Variants in CERS4 observed in about 807,000 individuals in gnomAD.
The protein encoded by CERS4 is ceramide synthase 4.
A neutral mutation model predicts 51.8 loss-of-function variants in CERS4; 65 were observed. The observed-to-expected ratio is 1.26, with a 90% CI of 1.03 to 1.54. CERS4 has a LOEUF of 1.54. CERS4 is among the 40% of genes most tolerant of loss of function. The pLI is 0.00. For synonymous variants in CERS4, 228 were observed against 208.4 expected (o/e 1.09, Z -0.81); for missense variants, 563 against 500.4 (o/e 1.13, Z -1.19).
At chr19:8,217,558 A>G in intron 2 of CERS4, among the ~76,000 whole-genome samples, 1 of 140,324 alleles carries the variant, frequency 7.1e-6, no homozygotes, top group Admixed American at 7.1e-5. Flanking sequence ...TTTTTTTGAG[A>G]TGGAGTCTCG....
intron 10 of CERS4, chr19:8,260,903 A>G (rs1175732055): frequency 6.9e-6 from 1 of 145,548 alleles, no homozygotes; most frequent in Non-Finnish European, 1.5e-5. Context: ...GTGAGCCGAG[A>G]TCACGCCATT....
intron 2 of CERS4, among the ~76,000 whole-genome samples, chr19:8,232,365 G>A (rs137947002): frequency 1.3e-4 from 19 of 151,338 alleles, no homozygotes; most frequent in Non-Finnish European, 2.7e-4. Flanking sequence ...ATCTCGGCTC[G>A]CTGCAACCTC....
intron 10 of CERS4, among the ~76,000 whole-genome samples, chr19:8,260,301 TCTC>T (rs75220972): frequency 0.19 from 28,383 of 151,194 alleles, 3,025 homozygotes; most frequent in African/African-American, 0.29. Context: ...TTCAAGCAAT[TCTC>T]CTGCCTCAGC....
chr19:8,254,502 C>G lies in CERS4; in HGVS notation c.177C>G (p.Phe59Leu). Reference sequence around the variant, plus strand: ...GCTCTGTCTCCTTTGCACCCAGATTCATTGGCCTGCCCCTGAGCCGGTGGC... The same window carrying G: ...GCTCTGTCTCCTTTGCACCCAGATTGATTGGCCTGCCCCTGAGCCGGTGGC... The part of the protein sequence containing the change: ...LLAMRLAFER[F>L]IGLPLSRWLG... Residue 59 changes from phenylalanine (F) to leucine (L), a missense_variant, in exon 4 of 12, where the codon TTC becomes TTG. By Grantham distance (22) the Phe-to-Leu change is conservative. Coordinates refer to ENST00000251363, the MANE Select transcript of CERS4 (RefSeq NM_024552.3). 1 of 1,613,656 alleles carries G rather than the reference C, an allele frequency of 6.2e-7. No homozygotes were observed. The highest frequency in any genetic ancestry group is 8.5e-7 in the Non-Finnish European group (1 of 1,179,916).
At chr19:8,255,303 G>C (rs118101126) in intron 4 of CERS4, among the ~76,000 whole-genome samples, 1 of 152,154 alleles carries the variant, frequency 6.6e-6, no homozygotes, top group South Asian at 2.1e-4. Flanking sequence ...AGAACTGACC[G>C]TTCTGGAGGG....
chr19:8,260,135 G>A (rs1969602415), intron 10 of CERS4, among the ~76,000 whole-genome samples: 1 of 152,030 alleles, frequency 6.6e-6, no homozygotes, highest in Admixed American at 6.6e-5. Context: ...ACTGTGGAGT[G>A]AGGAAGGCGA....
chr19:8,258,048 C>A (rs901630836), intron 10 of CERS4, 63 bp downstream of exon 10: 1 of 1,275,168 alleles, frequency 7.8e-7, no homozygotes, highest in Non-Finnish European at 1.1e-6. Flanking sequence ...TCCAGGACTG[C>A]CTCACCATTG....
chr19:8,245,140 CTT>C (rs759482889), intron 2 of CERS4, among the ~76,000 whole-genome samples: 138 of 28,746 alleles, frequency 4.8e-3, no homozygotes, highest in Non-Finnish European at 8.9e-3. Flanking sequence ...AAAAAACACT[CTT>C]GGCTTCAAGC....
intron 2 of CERS4, among the ~76,000 whole-genome samples, chr19:8,217,696 C>G (rs933639808): frequency 1.3e-5 from 2 of 151,856 alleles, no homozygotes; most frequent in African/African-American, 2.4e-5. Context: ...ACCACCACGC[C>G]TGGCTATTTT....
chr19:8,248,146 C>T lies in CERS4; in HGVS notation c.-1-2930C>T, dbSNP rs555044356. Among the ~76,000 whole-genome samples, 29 of 152,290 alleles carry T rather than the reference C, an allele frequency of 1.9e-4. 1 individual carries two copies. The highest frequency in any genetic ancestry group is 7.0e-4 in the African/African-American group (29 of 41,566). ...ATCTACCCGGCCCGTTATACTTTGG[C>T]ATCTCATTCATTTATGAATCTGTTT... On this transcript the variant is annotated intron_variant, in intron 2 of 11. Transcript: ENST00000251363.
At chr19:8,252,302 A>G (rs1599579917) in intron 3 of CERS4, among the ~76,000 whole-genome samples, 1 of 151,412 alleles carries the variant, frequency 6.6e-6, no homozygotes, top group Non-Finnish European at 1.5e-5. Context: ...CCCAGGAGAC[A>G]GAGGTTGCAG....
intron 2 of CERS4, among the ~76,000 whole-genome samples, chr19:8,237,339 G>T (rs1191705100): frequency 1.3e-5 from 2 of 151,628 alleles, no homozygotes; most frequent in African/African-American, 4.8e-5. Context: ...ACCACCTGAG[G>T]TCAGGATTTC....
chr19:8,212,631 T>A (rs1328196746), intron 2 of CERS4, among the ~76,000 whole-genome samples: 5 of 147,322 alleles, frequency 3.4e-5, no homozygotes, highest in Admixed American at 6.8e-5. Flanking sequence ...TACTGTTTTT[T>A]TAATTATTAT....
At chr19:8,233,229 G>A (rs141264389) in intron 2 of CERS4, among the ~76,000 whole-genome samples, 6,420 of 151,832 alleles carry the variant, frequency 0.042, 456 homozygotes, top group African/African-American at 0.15. Context: ...GCAGTGCTGT[G>A]ATCTTAGCTC....
chr19:8,232,747 G>T (rs1968069144), intron 2 of CERS4, among the ~76,000 whole-genome samples: 1 of 147,740 alleles, frequency 6.8e-6, no homozygotes. Context: ...TTGAGACACG[G>T]TCTCACCCTG....
intron 2 of CERS4, among the ~76,000 whole-genome samples, chr19:8,231,768 G>A (rs944960049): frequency 2.6e-5 from 4 of 151,190 alleles, no homozygotes; most frequent in African/African-American, 7.3e-5. Flanking sequence ...TAGCCAGGAT[G>A]GTCTCGATTT....
At chr19:8,248,446 T>C (rs540538544) in intron 2 of CERS4, among the ~76,000 whole-genome samples, 19 of 151,522 alleles carry the variant, frequency 1.3e-4, no homozygotes, top group African/African-American at 4.6e-4. Flanking sequence ...TGATGGATGA[T>C]GAGCGGATAG....
At chr19:8,231,192 C>T (rs114696465) in intron 2 of CERS4, among the ~76,000 whole-genome samples, 258 of 152,268 alleles carry the variant, frequency 1.7e-3, no homozygotes, top group African/African-American at 5.9e-3. Context: ...CCTTTAACTT[C>T]CTTCTTTCCT....
chr19:8,232,971 T>C (rs1968082060), intron 2 of CERS4, among the ~76,000 whole-genome samples: 1 of 147,880 alleles, frequency 6.8e-6, no homozygotes, highest in Non-Finnish European at 1.5e-5. Flanking sequence ...CTCCTAGGCT[T>C]GAGTGATCCT....
Sources: allele counts gnomAD v4.1 joint callset (sites outside exome capture counted in the v4.1 genomes callset), GRCh38; gene constraint gnomAD v4.1.1; transcripts MANE v1.5; gene names NCBI Gene and HGNC (gene_info 2026-07-23, HGNC 2026-07-21).